Variants in PTPRT observed in about 807,000 individuals in gnomAD.
PTPRT encodes protein tyrosine phosphatase receptor type T, also known as receptor-type tyrosine-protein phosphatase T.
Under a neutral mutation model 176.8 loss-of-function variants are expected in PTPRT, and 56 were observed. The ratio of observed to expected loss-of-function variants is 0.32; its 90% CI spans 0.26 to 0.40. The LOEUF (loss-of-function observed/expected upper bound fraction) is 0.40. Among genes scored for constraint, PTPRT ranks in the 10% least tolerant of loss-of-function variants. The pLI, the probability that PTPRT is intolerant of heterozygous loss-of-function variation, is 1.00. For missense variants in PTPRT, 1,540 were observed against 1,908.2 expected, an observed-to-expected ratio of 0.81 and a Z score of 3.60; for synonymous variants, 783 against 739.0, an observed-to-expected ratio of 1.06 and a Z score of -0.96.
chr20:42,630,846 C>G (rs1371289414), intron 7 of PTPRT, among the ~76,000 whole-genome samples: 1 of 152,070 alleles, frequency 6.6e-6, no homozygotes, highest in Non-Finnish European at 1.5e-5. Context: ...GGATAAGTAT[C>G]AATAACCTCA....
chr20:42,617,860 A>T (rs1427659538), intron 7 of PTPRT, among the ~76,000 whole-genome samples: 1 of 138,454 alleles, frequency 7.2e-6, no homozygotes, highest in African/African-American at 3.1e-5. Context: ...ATAGTGGTCT[A>T]TCAATTTTGT....
intron 2 of PTPRT, among the ~76,000 whole-genome samples, chr20:42,805,016 T>C (rs1250536155): frequency 6.6e-6 from 1 of 152,198 alleles, no homozygotes; most frequent in Admixed American, 6.5e-5. Context: ...TAACTCCTAA[T>C]AAGCTTTCTA....
intron 11 of PTPRT, among the ~76,000 whole-genome samples, chr20:42,347,203 T>C (rs914544882): frequency 3.3e-5 from 5 of 152,164 alleles, no homozygotes; most frequent in African/African-American, 1.2e-4. Context: ...GATCAGATAA[T>C]ACAATGGAAG....
intron 12 of PTPRT, among the ~76,000 whole-genome samples, chr20:42,286,909 T>A (rs2057239061): frequency 6.6e-6 from 1 of 151,496 alleles, no homozygotes; most frequent in African/African-American, 2.4e-5. Flanking sequence ...CAAATAAAAA[T>A]CCAACTAAAA....
chr20:42,279,595 G>A (rs890080191), intron 13 of PTPRT, among the ~76,000 whole-genome samples: 1 of 152,154 alleles, frequency 6.6e-6, no homozygotes, highest in African/African-American at 2.4e-5. Flanking sequence ...AACTAATAGA[G>A]GTCCATTACT....
chr20:43,154,892 C>A (rs561979984), intron 1 of PTPRT, among the ~76,000 whole-genome samples: 1 of 151,738 alleles, frequency 6.6e-6, no homozygotes, highest in African/African-American at 2.4e-5. Flanking sequence ...GCAAAAGACT[C>A]GAATAGACAT....
chr20:42,756,712 C>T, intron 5 of PTPRT, 76 bp from the exon 6 acceptor site: 1 of 1,289,050 alleles, frequency 7.8e-7, no homozygotes, highest in African/African-American at 1.5e-5. Context: ...ACACGGATAT[C>T]CACCCATCCT....
At chr20:43,020,274 A>G (rs1985609297) in intron 1 of PTPRT, among the ~76,000 whole-genome samples, 1 of 149,566 alleles carries the variant, frequency 6.7e-6, no homozygotes, top group African/African-American at 2.4e-5. Context: ...CTTTTTGGAT[A>G]GCCCAGACTA....
intron 19 of PTPRT, among the ~76,000 whole-genome samples, chr20:42,125,064 C>T (rs1188340133): frequency 2.0e-5 from 3 of 152,142 alleles, no homozygotes; most frequent in Admixed American, 1.3e-4. Context: ...GGCTTCAGTT[C>T]TTGAAGGGCA....
chr20:42,592,065 T>C (rs1330528565), intron 7 of PTPRT, among the ~76,000 whole-genome samples: 1 of 149,326 alleles, frequency 6.7e-6, no homozygotes, highest in Non-Finnish European at 1.5e-5. Flanking sequence ...CTGCAAGCTC[T>C]GCCTCCTGGG....
intron 14 of PTPRT, among the ~76,000 whole-genome samples, chr20:42,238,855 C>T (rs1448450325): frequency 6.6e-6 from 1 of 152,148 alleles, no homozygotes; most frequent in Non-Finnish European, 1.5e-5. Flanking sequence ...AACTGCATGA[C>T]CTTGAACAAG....
At chr20:42,271,405 C>A (rs2056932975) in intron 13 of PTPRT, among the ~76,000 whole-genome samples, 1 of 152,198 alleles carries the variant, frequency 6.6e-6, no homozygotes, top group African/African-American at 2.4e-5. Context: ...GAATCTGGGA[C>A]AGATGCCCCT....
intron 9 of PTPRT, among the ~76,000 whole-genome samples, chr20:42,374,200 C>CA (rs1267615199): frequency 6.6e-6 from 1 of 152,250 alleles, no homozygotes; most frequent in Admixed American, 6.5e-5. Flanking sequence ...TCACTCTCAA[C>CA]ACCAGCTCTT....
chr20:42,631,138 A>G (rs2074395879), intron 7 of PTPRT, among the ~76,000 whole-genome samples: 1 of 152,168 alleles, frequency 6.6e-6, no homozygotes, highest in Non-Finnish European at 1.5e-5. Flanking sequence ...ACCTGAGGAA[A>G]CAGGAAGAAA....
chr20:42,430,048 T>A (rs1450128380), intron 9 of PTPRT, among the ~76,000 whole-genome samples: 4 of 152,190 alleles, frequency 2.6e-5, no homozygotes, highest in African/African-American at 9.6e-5. Flanking sequence ...TTATAAGGAT[T>A]TTAAATGGTA....
chr20:43,160,785 C>A (rs76678844), intron 1 of PTPRT, among the ~76,000 whole-genome samples: 3,251 of 152,198 alleles, frequency 0.021, 129 homozygotes, highest in African/African-American at 0.074. Flanking sequence ...GGGTAACACC[C>A]AGGAAGGTGC....
chr20:42,417,968 G>C (rs944261419), intron 9 of PTPRT, among the ~76,000 whole-genome samples: 2 of 151,948 alleles, frequency 1.3e-5, no homozygotes, highest in East Asian at 1.9e-4. Context: ...GACATTTTTT[G>C]ATCCCCTACA....
chr20:42,780,027 T>G (rs1258335838), intron 4 of PTPRT, among the ~76,000 whole-genome samples, 191 bp downstream of exon 4: 1 of 152,182 alleles, frequency 6.6e-6, no homozygotes, highest in Admixed American at 6.5e-5. Flanking sequence ...TGCTGCCTGT[T>G]GAACAGGCCG....
At chr20:43,057,730 G>A (rs1203987150) in intron 1 of PTPRT, among the ~76,000 whole-genome samples, 1 of 152,226 alleles carries the variant, frequency 6.6e-6, no homozygotes, top group Non-Finnish European at 1.5e-5. Flanking sequence ...AAAGGCCCTG[G>A]ACCACCAGGT....
Sources: allele counts gnomAD v4.1 joint callset (sites outside exome capture counted in the v4.1 genomes callset), GRCh38; gene constraint gnomAD v4.1.1; transcripts MANE v1.5; gene names NCBI Gene and HGNC (gene_info 2026-07-23, HGNC 2026-07-21).